DNAJC6: variants seen among roughly 807,000 people sequenced by gnomAD.
DNAJC6 encodes auxilin.
A neutral mutation model predicts 110.0 loss-of-function variants in DNAJC6; 34 were observed. The ratio of observed to expected loss-of-function variants is 0.31; its 90% CI spans 0.24 to 0.41. DNAJC6 has a LOEUF of 0.41. DNAJC6 is among the 10% of genes least tolerant of loss of function. The pLI is 1.00. For synonymous variants in DNAJC6, 406 were observed against 437.2 expected (o/e 0.93, Z 0.89); for missense variants, 1,031 against 1,207.8 (o/e 0.85, Z 2.17).
chr1:65,269,116 C>T (rs931136538), intron 1 of DNAJC6, among the ~76,000 whole-genome samples: 1 of 152,064 alleles, frequency 6.6e-6, no homozygotes, highest in African/African-American at 2.4e-5. Context: ...AACCTGTGAT[C>T]CCAACACTTT....
Position 65,408,720 on chromosome 1 carries a change from T to G in DNAJC6, c.2571T>G (p.Pro857=). The G allele has an allele frequency of 6.2e-7, 1 of 1,614,038 alleles. No homozygotes were observed. ...GFNAHKDKKG[P]RTIAEMRKEE... ...ATGCTCACAAAGACAAAAAGGGGCCTCGGACAATAGCTGAGATGAGAAAGG... is the reference window on the plus strand; with the variant it reads ...ATGCTCACAAAGACAAAAAGGGGCCGCGGACAATAGCTGAGATGAGAAAGG... The change falls in exon 17 of 19, where the codon CCT becomes CCG. Residue 857 remains proline (P), a synonymous_variant. Transcript: ENST00000371069.
intron 1 of DNAJC6, among the ~76,000 whole-genome samples, chr1:65,296,780 G>A (rs1644933693): frequency 6.6e-6 from 1 of 152,018 alleles, no homozygotes; most frequent in African/African-American, 2.4e-5. Context: ...TAGAGACGGG[G>A]TTTCACCATG....
intron 4 of DNAJC6, among the ~76,000 whole-genome samples, chr1:65,372,059 T>C (rs969801638): frequency 2.0e-5 from 3 of 152,030 alleles, no homozygotes; most frequent in Non-Finnish European, 4.4e-5. Context: ...CTTGATTGAG[T>C]TAATGATTCT....
At chr1:65,348,047 C>A (rs1425886890) in intron 1 of DNAJC6, among the ~76,000 whole-genome samples, 1 of 152,152 alleles carries the variant, frequency 6.6e-6, no homozygotes, top group Non-Finnish European at 1.5e-5. Context: ...CCAGTCTAGG[C>A]TCTATTCAAG....
intron 1 of DNAJC6, among the ~76,000 whole-genome samples, chr1:65,281,639 C>T (rs1167982391): frequency 1.3e-5 from 2 of 151,616 alleles, no homozygotes; most frequent in Admixed American, 6.6e-5. Flanking sequence ...GATGGAGTCT[C>T]GCTCTGTCAC....
At chr1:65,411,162 G>C (rs1646125311) in intron 17 of DNAJC6, 88 bp from the exon 18 acceptor site, 10 of 1,381,960 alleles carry the variant, frequency 7.2e-6, no homozygotes, top group Non-Finnish European at 9.8e-6. Flanking sequence ...GATGTTGCTG[G>C]AGCAGAAGGG....
chr1:65,290,842 T>C (rs909416949), intron 1 of DNAJC6, among the ~76,000 whole-genome samples: 5 of 152,176 alleles, frequency 3.3e-5, no homozygotes, highest in Non-Finnish European at 4.4e-5. Context: ...TAGATATAGA[T>C]TGGATGTTAG....
intron 4 of DNAJC6, among the ~76,000 whole-genome samples, chr1:65,368,465 T>A (rs890957496): frequency 6.6e-6 from 1 of 152,060 alleles, no homozygotes; most frequent in Non-Finnish European, 1.5e-5. Context: ...GCTACCCATG[T>A]CACACACCCT....
intron 1 of DNAJC6, among the ~76,000 whole-genome samples, chr1:65,287,662 C>T (rs1014239240): frequency 4.6e-5 from 7 of 152,104 alleles, no homozygotes; most frequent in African/African-American, 7.2e-5. Context: ...AGTACAGTGG[C>T]GCACAATCAG....
intron 1 of DNAJC6, among the ~76,000 whole-genome samples, chr1:65,337,568 A>AT (rs1285967390): frequency 3.9e-5 from 6 of 152,074 alleles, no homozygotes; most frequent in Non-Finnish European, 8.8e-5. Context: ...CACTGCAGTT[A>AT]TTACAGTTGG....
intron 1 of DNAJC6, among the ~76,000 whole-genome samples, chr1:65,271,792 C>G (rs1475480308): frequency 2.0e-5 from 3 of 150,512 alleles, no homozygotes; most frequent in Non-Finnish European, 4.4e-5. Flanking sequence ...ATTGCTTGAA[C>G]TAGGAGGTGG....
chr1:65,332,501 C>T (rs542424800), intron 1 of DNAJC6, among the ~76,000 whole-genome samples: 7 of 152,290 alleles, frequency 4.6e-5, no homozygotes, highest in East Asian at 3.9e-4. Flanking sequence ...TTATTTATTA[C>T]GGAAGGAGAG....
Position 65,414,514 on chromosome 1 carries a change from C to CGTTTTGT in DNAJC6, c.*1489_*1490insGTTTTGT, listed in dbSNP as rs1473231513. On this transcript the variant is annotated 3_prime_UTR_variant, in exon 19 of 19. Transcript: ENST00000371069. ...CAATCATTTTTTGTTTTTGTTTTAACTTTCTTGTGGCAAGCTATACCGGAA... is the reference window on the plus strand; with the variant it reads ...CAATCATTTTTTGTTTTTGTTTTAACGTTTTGTTTTCTTGTGGCAAGCTATACCGGAA... 8.5e-5 allele frequency: 13 copies of CGTTTTGT among 152,566 alleles called. No individual in the cohort carries two copies. The highest frequency in any genetic ancestry group is 1.3e-4 in the Non-Finnish European group (9 of 68,018). 9.5% of individuals were successfully genotyped at this position (152,566 alleles called of 1,614,324 possible).
At chr1:65,295,898 C>T (rs1391720061) in intron 1 of DNAJC6, among the ~76,000 whole-genome samples, 1 of 152,118 alleles carries the variant, frequency 6.6e-6, no homozygotes, top group Non-Finnish European at 1.5e-5. Context: ...TCAGTAAATC[C>T]TTATGGAATT....
upstream of DNAJC6, among the ~76,000 whole-genome samples, chr1:65,307,946 C>T (rs2101344303): frequency 6.6e-6 from 1 of 152,240 alleles, no homozygotes; most frequent in East Asian, 1.9e-4. Flanking sequence ...AAGCAACTGG[C>T]CAGGAAGTTT....
chr1:65,307,010 C>CTATA (rs1282683088), upstream of DNAJC6, among the ~76,000 whole-genome samples: 29 of 84,740 alleles, frequency 3.4e-4, no homozygotes, highest in East Asian at 3.4e-3. Flanking sequence ...CTCTCTCTCT[C>CTATA]TCTCTCTCTA....
rs529314353 is a variant in DNAJC6 at position 65,310,017 on chromosome 1, C to G, written c.193+79C>G. 85 of 1,366,732 alleles carry G rather than the reference C, an allele frequency of 6.2e-5. 1 individual carries two copies. In the South Asian group the frequency reaches 1.3e-3, roughly 20 times the overall value. 84.7% of individuals were successfully genotyped at this position (1,366,732 alleles called of 1,614,324 possible). A position where few individuals can be genotyped will look rare whatever the true frequency, so the allele number is the denominator to read the frequency against. On this transcript the variant is annotated intron_variant, in intron 1 of 18. Coordinates refer to ENST00000371069, the MANE Select transcript of DNAJC6 (RefSeq NM_001256864.2). ...TCCCAGTCGCCCGGCCCGAGGCCCCCCCGTGGTCCCCCAGCCCCGGTTTGC... is the reference window on the plus strand; with the variant it reads ...TCCCAGTCGCCCGGCCCGAGGCCCCGCCGTGGTCCCCCAGCCCCGGTTTGC...
intron 1 of DNAJC6, among the ~76,000 whole-genome samples, chr1:65,350,846 T>C (rs948542483): frequency 4.6e-5 from 7 of 152,184 alleles, no homozygotes; most frequent in African/African-American, 1.4e-4. Context: ...CTCCAACATA[T>C]GCCAGCATTT....
chr1:65,395,573 A>G (rs1280486166), intron 13 of DNAJC6, among the ~76,000 whole-genome samples: 1 of 152,224 alleles, frequency 6.6e-6, no homozygotes. Flanking sequence ...AGTATAAAAT[A>G]CATACCAGAT....
Sources: allele counts gnomAD v4.1 joint callset (sites outside exome capture counted in the v4.1 genomes callset), GRCh38; gene constraint gnomAD v4.1.1; transcripts MANE v1.5; gene names NCBI Gene and HGNC (gene_info 2026-07-23, HGNC 2026-07-21).